ACOX3: variants seen among roughly 807,000 people sequenced by gnomAD.
The protein encoded by ACOX3 is peroxisomal acyl-coenzyme A oxidase 3.
Under a neutral mutation model 81.5 loss-of-function variants are expected in ACOX3, and 73 were observed. The ratio of observed to expected loss-of-function variants is 0.90; its 90% CI spans 0.74 to 1.09. The LOEUF (loss-of-function observed/expected upper bound fraction) is 1.09. ACOX3 is among the 50% of genes least tolerant of loss of function. The probability of loss-of-function intolerance (pLI) is 0.00; values close to 1 mark genes in which losing one functional copy is unlikely to be tolerated. For missense variants in ACOX3, 947 were observed against 928.0 expected, an observed-to-expected ratio of 1.02 and a Z score of -0.27; for synonymous variants, 387 against 375.1, an observed-to-expected ratio of 1.03 and a Z score of -0.37.
rs138267480 is a variant in ACOX3, at chr4:8,380,068, G to A, written c.1653+1424C>T. 4.6e-5 allele frequency among the ~76,000 whole-genome samples: 7 copies of A among 152,328 alleles called. No homozygotes were observed. The East Asian group carries it at 1.3e-3, about 29-fold the overall frequency. ...GTATCACCCAAGGTGGGTAAACAAG[G>A]CGGCCTGTTCTGGAAGGGTCACTTC... On this transcript the variant is annotated intron_variant, in intron 14 of 17. Transcript: ENST00000356406.
intron 15 of ACOX3, 156 bp downstream of exon 15, chr4:8,374,822 A>G (rs1716713113): frequency 1.2e-6 from 1 of 800,644 alleles, no homozygotes; most frequent in Non-Finnish European, 1.8e-6. Flanking sequence ...TATGCTTCTC[A>G]TTATGGAACT....
intron 1 of ACOX3, among the ~76,000 whole-genome samples, chr4:8,427,173 T>C (rs1372592724): frequency 6.6e-6 from 1 of 152,068 alleles, no homozygotes; most frequent in Non-Finnish European, 1.5e-5. Context: ...AAAATACCAA[T>C]GAGGCTAAAA....
intron 1 of ACOX3, among the ~76,000 whole-genome samples, chr4:8,436,819 T>A (rs1579013689): frequency 7.3e-6 from 1 of 136,250 alleles, no homozygotes. Flanking sequence ...CTGTCTCTAC[T>A]AAAAAAAAAA....
chr4:8,424,415 C>A (rs954586353), intron 1 of ACOX3, among the ~76,000 whole-genome samples: 3 of 152,232 alleles, frequency 2.0e-5, no homozygotes, highest in African/African-American at 7.2e-5. Context: ...GGATTCCTTA[C>A]ACAGGTCCGA....
At chr4:8,428,936 C>T (rs1240456182) in intron 1 of ACOX3, among the ~76,000 whole-genome samples, 3 of 152,180 alleles carry the variant, frequency 2.0e-5, no homozygotes, top group East Asian at 1.9e-4. Context: ...GTTTGAGAAC[C>T]GTGGTTCTGC....
Position 8,368,442 on chromosome 4 carries a change from C to T in ACOX3, c.1984-1362G>A, listed in dbSNP as rs1284261783. ...CTGGGGAGGTGGTCTATTGTGTATC[C>T]AGCTTACGCTGACCCATTTTATTGA... On this transcript the variant is annotated intron_variant, in intron 17 of 17. Transcript: ENST00000356406. The surrounding 1 kb of genome is among the most constrained non-coding windows in gnomAD (Gnocchi z 5.9). Among the ~76,000 whole-genome samples the T allele has an allele frequency of 6.6e-6, 1 of 152,230 alleles. No homozygotes were observed. Among genetic ancestry groups the T allele is most frequent in the African/African-American group, 2.4e-5 (1 of 41,462 alleles).
At chr4:8,361,848 C>G (rs756873005), downstream of ACOX3, among the ~76,000 whole-genome samples, 13 of 152,160 alleles carry the variant, frequency 8.5e-5, no homozygotes, top group Non-Finnish European at 1.9e-4. Context: ...GAAGCATTAT[C>G]AAATGTGAAA....
At position 8,385,238 on chromosome 4, in the gene ACOX3, G is replaced by T. The variant is rs1314715066; in HGVS notation, c.1538-3631C>A. On this transcript the variant is annotated intron_variant, in intron 13 of 17. Coordinates refer to ENST00000356406, the MANE Select transcript of ACOX3 (RefSeq NM_003501.3). The surrounding 1 kb of genome is among the most constrained non-coding windows in gnomAD (Gnocchi z 5.5). ...ACGAACCCCACTGCTCACCTCATAT[G>T]ACCCCACTGCCCACCTCACATGACC... 6.6e-6 allele frequency among the ~76,000 whole-genome samples: 1 copy of T among 151,906 alleles called. No individual in the cohort carries two copies. Among genetic ancestry groups the T allele is most frequent in the Non-Finnish European group, 1.5e-5 (1 of 67,954 alleles).
intron 6 of ACOX3, among the ~76,000 whole-genome samples, chr4:8,408,259 C>CA (rs201696645): frequency 0.35 from 46,365 of 132,524 alleles, 8,768 homozygotes; most frequent in South Asian, 0.48. Context: ...CACTGTCTCA[C>CA]AAAAAAAAAA....
chr4:8,391,031 GTGTATA>G (rs57021460), intron 11 of ACOX3, among the ~76,000 whole-genome samples: 2,088 of 148,202 alleles, frequency 0.014, 18 homozygotes, highest in African/African-American at 0.029. Context: ...GTATATGTAT[GTGTATA>G]TGTATATGTA....
At chr4:8,388,596 A>G (rs1718582231) in intron 13 of ACOX3, among the ~76,000 whole-genome samples, 2 of 152,236 alleles carry the variant, frequency 1.3e-5, no homozygotes, top group African/African-American at 4.8e-5. Flanking sequence ...AGCAGCTCCC[A>G]TGACACACCT....
Position 8,423,822 on chromosome 4 carries a change from T to G in ACOX3, c.-14-7287A>C, listed in dbSNP as rs2109016190. Among the ~76,000 whole-genome samples, 1 of 152,366 alleles carries G rather than the reference T, an allele frequency of 6.6e-6. No homozygotes were observed. Among genetic ancestry groups the G allele is most frequent in the East Asian group, 1.9e-4 (1 of 5,188 alleles). ...ATCTAATGTCTCAACACACCTGGAC[T>G]GTTTTACCCCAAGGGTTCATGGACA... is the stretch of plus-strand genomic sequence containing the variant. On this transcript the variant is annotated intron_variant, in intron 1 of 17. Transcript: ENST00000356406. This position sits in a 1 kb window ranked among gnomAD's most constrained non-coding sequence, Gnocchi z 4.2.
intron 10 of ACOX3, among the ~76,000 whole-genome samples, chr4:8,393,892 C>A (rs1719358226): frequency 6.6e-6 from 1 of 152,226 alleles, no homozygotes; most frequent in Admixed American, 6.5e-5. Flanking sequence ...CAGAAGCGCT[C>A]CCTCCTCAGG....
At chr4:8,390,035 G>A (rs1037141297) in intron 11 of ACOX3, among the ~76,000 whole-genome samples, 6 of 150,216 alleles carry the variant, frequency 4.0e-5, no homozygotes, top group African/African-American at 9.9e-5. Flanking sequence ...CCTGGGAGGC[G>A]GAGGTTGCAG....
rs1715765670 is a variant in ACOX3 at position 8,368,600 on chromosome 4, G to GTTTGGAGC, written c.1984-1528_1984-1521dup. On this transcript the variant is annotated intron_variant, in intron 17 of 17. Transcript: ENST00000356406. The surrounding 1 kb of genome is among the most constrained non-coding windows in gnomAD (Gnocchi z 5.9). ...CCTAGGTTCCAGCTTATGTTTCACA[G>GTTTGGAGC]TTTGGAGCAGCGGGCTTGATTTAAG... is the stretch of plus-strand genomic sequence containing the variant. Among the ~76,000 whole-genome samples the GTTTGGAGC allele has an allele frequency of 1.3e-5, 2 of 152,224 alleles. No homozygotes were observed. The highest frequency in any genetic ancestry group is 4.1e-4 in the South Asian group (2 of 4,832).
intron 13 of ACOX3, among the ~76,000 whole-genome samples, chr4:8,387,521 A>C (rs1718458081): frequency 6.6e-6 from 1 of 152,236 alleles, no homozygotes; most frequent in African/African-American, 2.4e-5. Context: ...CAAAGTGAAG[A>C]CATTCACTAA....
In ACOX3 at chr4:8,379,066, C is replaced by A. The variant is rs567068041; in HGVS notation, c.1653+2426G>T. Among the ~76,000 whole-genome samples, 160 of 152,354 alleles carry A rather than the reference C, an allele frequency of 1.1e-3. 1 individual carries two copies. The highest frequency in any genetic ancestry group is 3.6e-3 in the African/African-American group (150 of 41,586). On this transcript the variant is annotated intron_variant, in intron 14 of 17. Coordinates refer to ENST00000356406, the MANE Select transcript of ACOX3 (RefSeq NM_003501.3). Reference sequence around the variant, plus strand: ...ATTCCTTCCTTCCTGGGGGTGTTCTCCGTCGGCGACATGTTACGTGGGCTT... The same window carrying A: ...ATTCCTTCCTTCCTGGGGGTGTTCTACGTCGGCGACATGTTACGTGGGCTT...
intron 15 of ACOX3, 177 bp downstream of exon 15, chr4:8,374,801 G>A (rs1317548324): frequency 1.8e-5 from 12 of 662,882 alleles, no homozygotes; most frequent in Non-Finnish European, 2.7e-5. Flanking sequence ...CCCTGACGCT[G>A]CTCTGCCCCA....
intron 17 of ACOX3, among the ~76,000 whole-genome samples, chr4:8,369,922 C>T (rs1715954090): frequency 6.6e-6 from 1 of 152,198 alleles, no homozygotes. Flanking sequence ...CGCCGAGTCC[C>T]TCTAGCAGAA....
Sources: gnomAD v4.1 joint callset for allele counts (sites outside exome capture counted in the v4.1 genomes callset) on GRCh38, gnomAD v4.1.1 for gene constraint, Gnocchi (gnomAD v3.1) non-coding constraint, MANE v1.5 for transcripts, NCBI Gene and HGNC (gene_info 2026-07-23, HGNC 2026-07-21) for gene names.